Variants in CETP observed in about 807,000 individuals in gnomAD.
The protein encoded by CETP is cholesteryl ester transfer protein, also known as BPI fold containing family F.
Under a neutral mutation model 66.5 loss-of-function variants are expected in CETP, and 56 were observed. The observed-to-expected ratio is 0.84, with a 90% confidence interval of 0.68 to 1.05. CETP has a LOEUF of 1.05. CETP is among the 50% of genes least tolerant of loss of function. The pLI, the probability that CETP is intolerant of heterozygous loss-of-function variation, is 0.00. For synonymous variants in CETP, 251 were observed against 245.7 expected (o/e 1.02, Z -0.20); for missense variants, 612 against 609.6 (o/e 1.00, Z -0.04).
In CETP at chr16:56,981,199, G is replaced by C; in HGVS notation, c.1188G>C (p.Lys396Asn). ...TTVQASYSKKKLFLSLLDFQI... is the reference protein window; with the variant it reads ...TTVQASYSKKNLFLSLLDFQI... ...TCCAGGCCTCCTATTCTAAGAAAAA[G>C]CTCTTCTTAAGCCTCTTGGATTTCC... Residue 396 changes from lysine (K) to asparagine (N), a missense_variant, in exon 12 of 16, where the codon AAG (lysine) becomes AAC (asparagine). Coordinates refer to ENST00000200676, the MANE Select transcript of CETP (RefSeq NM_000078.3). The C allele has an allele frequency of 6.2e-7, 1 of 1,613,920 alleles. No homozygotes were observed. The highest frequency in any genetic ancestry group is 8.5e-7 in the Non-Finnish European group (1 of 1,179,764).
At chr16:56,963,264 A>T in intron 2 of CETP, 140 bp downstream of exon 2, 1 of 703,296 alleles carries the variant, frequency 1.4e-6, no homozygotes, top group African/African-American at 1.8e-5. Flanking sequence ...CCAGAGCCTG[A>T]CACCTTCCCT....
At chr16:56,982,301 G>A in intron 14 of CETP, 64 bp downstream of exon 14, 1 of 1,507,968 alleles carries the variant, frequency 6.6e-7, no homozygotes, top group Non-Finnish European at 9.2e-7. Flanking sequence ...TTCACCTTGT[G>A]GGCCCTTCCC....
intron 2 of CETP, 73 bp downstream of exon 2, chr16:56,963,197 C>T (rs1052991543): frequency 4.0e-6 from 5 of 1,248,644 alleles, no homozygotes; most frequent in Non-Finnish European, 5.8e-6. Flanking sequence ...TTGCCCCCAG[C>T]CCACAGGGAG....
At chr16:56,979,303 G>C (rs183131631) in intron 11 of CETP, among the ~76,000 whole-genome samples, 12 of 152,206 alleles carry the variant, frequency 7.9e-5, no homozygotes, top group Admixed American at 2.0e-4. Flanking sequence ...GTGTGGGGTG[G>C]CACCCCACAA....
intron 2 of CETP, among the ~76,000 whole-genome samples, chr16:56,968,803 T>G (rs2056086744): frequency 6.6e-6 from 1 of 152,074 alleles, no homozygotes; most frequent in South Asian, 2.1e-4. Context: ...CAGCTATTGT[T>G]TTCACCGATT....
intron 2 of CETP, among the ~76,000 whole-genome samples, chr16:56,964,987 C>A (rs560542377): frequency 7.5e-4 from 114 of 152,258 alleles, no homozygotes; most frequent in Non-Finnish European, 1.1e-3. Context: ...GTGGTGCGTG[C>A]CTGCAGTCCC....
intron 2 of CETP, among the ~76,000 whole-genome samples, chr16:56,964,982 G>A (rs543522383): frequency 6.6e-6 from 1 of 152,304 alleles, no homozygotes; most frequent in East Asian, 1.9e-4. Context: ...GCATGGTGGT[G>A]CGTGCCTGCA....
At chr16:56,976,386 AGTT>A (rs1433277127) in intron 10 of CETP, among the ~76,000 whole-genome samples, 1 of 151,718 alleles carries the variant, frequency 6.6e-6, no homozygotes, top group Non-Finnish European at 1.5e-5. Context: ...TTCTTCATCT[AGTT>A]GTTTCCCACC....
Position 56,983,834 on chromosome 16 carries a change from C to A in CETP, c.*168C>A. 1 of 704,026 alleles carries A rather than the reference C, an allele frequency of 1.4e-6. No individual in the cohort carries two copies. Among genetic ancestry groups the A allele is most frequent in the Non-Finnish European group, 2.6e-6 (1 of 389,784 alleles). 43.6% of individuals were successfully genotyped at this position (704,026 alleles called of 1,614,324 possible). On this transcript the variant is annotated 3_prime_UTR_variant, in exon 16 of 16. Transcript: ENST00000200676. The stretch of plus-strand genomic sequence containing the variant: ...CTAAAGGCCCACTGGCATTAAAGTG[C>A]TGTATCCAAGAGCTGCGGAGTCCTT...
chr16:56,964,797 C>T lies in CETP; in HGVS notation c.233+1673C>T, dbSNP rs114485742. Among the ~76,000 whole-genome samples, 448 of 152,340 alleles carry T rather than the reference C, an allele frequency of 2.9e-3. 4 individuals are homozygous for T. Among genetic ancestry groups the T allele is most frequent in the African/African-American group, 0.01 (426 of 41,580 alleles). ...GTGGGGCGTCCCAGGTCTCGCGCAG[C>T]CACGCCCTCTGTGTGACCTTGGGCT... On this transcript the variant is annotated intron_variant, in intron 2 of 15. Coordinates refer to ENST00000200676, the MANE Select transcript of CETP (RefSeq NM_000078.3).
chr16:56,980,591 T>G (rs1243772697), intron 11 of CETP, among the ~76,000 whole-genome samples: 2 of 152,238 alleles, frequency 1.3e-5, no homozygotes, highest in African/African-American at 4.8e-5. Flanking sequence ...CTTATTTTTT[T>G]GTTGTTAAGA....
intron 2 of CETP, among the ~76,000 whole-genome samples, chr16:56,964,597 G>A (rs2056052203): frequency 6.6e-6 from 1 of 152,172 alleles, no homozygotes; most frequent in Non-Finnish European, 1.5e-5. Flanking sequence ...TTGTCTTAAA[G>A]CCAATCTCCT....
Position 56,971,996 on chromosome 16 carries a change from C to A in CETP, c.663C>A (p.Ser221Arg), listed in dbSNP as rs201438792. 1.5e-3 allele frequency: 2,368 copies of A among 1,614,038 alleles called. 33 individuals carry two copies. The South Asian group carries it at 0.021, about 14-fold the overall frequency. The change falls in exon 8 of 16, where the codon AGC (serine) becomes AGA (arginine). Residue 221 changes from serine to arginine, a missense_variant. Transcript: ENST00000200676. ...MADFVQTRAASILSDGDIGVD... is the reference protein window; with the variant it reads ...MADFVQTRAARILSDGDIGVD... ...GTTGATCTTTTCCTCCTGCAGCCAG[C>A]ATCCTTTCAGATGGAGACATTGGGG...
At chr16:56,966,203 G>C (rs1273100166) in intron 2 of CETP, among the ~76,000 whole-genome samples, 1 of 152,224 alleles carries the variant, frequency 6.6e-6, no homozygotes, top group Non-Finnish European at 1.5e-5. Flanking sequence ...GATTCCTTCT[G>C]GGGGCTATAG....
chr16:56,963,054 GC>G lies in CETP; in HGVS notation c.165del (p.Ser56AlafsTer11), dbSNP rs753876598. On this transcript the variant is annotated frameshift_variant, in exon 2 of 16. Coordinates refer to ENST00000200676, the MANE Select transcript of CETP (RefSeq NM_000078.3). LOFTEE classifies it high-confidence loss of function. ...AKVIQTAFQR[A>X]SYPDITGEKA... is the part of the protein sequence containing the mutation. ...GGTGATCCAGACCGCCTTCCAGCGAGCCAGCTACCCAGATATCACGGGCGAG... is the reference window on the plus strand; with the variant it reads ...GGTGATCCAGACCGCCTTCCAGCGAGCAGCTACCCAGATATCACGGGCGAG... The G allele has an allele frequency of 1.3e-5, 21 of 1,614,040 alleles. No homozygotes were observed. The highest frequency in any genetic ancestry group is 1.7e-5 in the Non-Finnish European group (20 of 1,180,026).
At chr16:56,967,792 C>G (rs191115961) in intron 2 of CETP, among the ~76,000 whole-genome samples, 7 of 151,888 alleles carry the variant, frequency 4.6e-5, no homozygotes, top group African/African-American at 1.5e-4. Context: ...TGAGACCCCC[C>G]CAATCTGCAC....
At chr16:56,980,253 T>TTGTTTGTTTGTC (rs1169153219) in intron 11 of CETP, among the ~76,000 whole-genome samples, 1 of 152,160 alleles carries the variant, frequency 6.6e-6, no homozygotes, top group African/African-American at 2.4e-5. Flanking sequence ...TGTTGTTTGT[T>TTGTTTGTTTGTC]TGTTTGTTTG....
rs2228667 is a variant in CETP at position 56,983,367 on chromosome 16, G to T, written c.1363G>T (p.Val455Leu). Residue 455 changes from valine to leucine, a missense_variant, in exon 15 of 16, where the codon GTG becomes TTG. Physicochemically the swap from Val to Leu is conservative, Grantham distance 32. Transcript: ENST00000200676. ...TACAGCCCTCATGAACAGCAAAGGC[G>T]TGAGCCTCTTCGACATCATCAACCC... ...VFTALMNSKG[V>L]SLFDIINPEI... 6.8e-6 allele frequency: 11 copies of T among 1,614,124 alleles called. No individual in the cohort carries two copies. The highest frequency in any genetic ancestry group is 1.3e-5 in the African/African-American group (1 of 74,944).
In CETP at chr16:56,962,024, C is replaced by T; in HGVS notation, c.45C>T (p.Ala15=). 1.2e-6 allele frequency: 2 copies of T among 1,614,130 alleles called. No individual in the cohort carries two copies. Among genetic ancestry groups the T allele is most frequent in the Non-Finnish European group, 1.7e-6 (2 of 1,180,024 alleles). ...TVLTLALLGN[A]HACSKGTSHE... ...TGACCCTGGCCCTGCTGGGCAATGC[C>T]CATGCCTGCTCCAAAGGCACCTCGC... The change falls in exon 1 of 16, where the codon GCC becomes GCT. Residue 15 remains alanine (A), a synonymous_variant. Transcript: ENST00000200676.
Sources: gnomAD v4.1 joint callset for allele counts (sites outside exome capture counted in the v4.1 genomes callset) on GRCh38, gnomAD v4.1.1 for gene constraint, MANE v1.5 for transcripts, NCBI Gene and HGNC (gene_info 2026-07-23, HGNC 2026-07-21) for gene names.